Variants in OTUD7A observed in about 807,000 individuals in gnomAD.
The protein encoded by OTUD7A is OTU domain-containing protein 7A.
OTUD7A carries 12 observed loss-of-function variants against 65.7 expected under a neutral mutation model. The ratio of observed to expected loss-of-function variants is 0.18; its 90% CI spans 0.12 to 0.30. The LOEUF is 0.30. OTUD7A is among the 10% of genes least tolerant of loss of function. The probability of loss-of-function intolerance (pLI) is 1.00; values close to 1 mark genes in which losing one functional copy is unlikely to be tolerated. For synonymous variants in OTUD7A, 641 were observed against 586.3 expected (o/e 1.09, Z -1.35); for missense variants, 1,148 against 1,304.8 (o/e 0.88, Z 1.85).
At chr15:31,614,648 C>T (rs1310712943) in intron 3 of OTUD7A, among the ~76,000 whole-genome samples, 1 of 152,004 alleles carries the variant, frequency 6.6e-6, no homozygotes, top group Non-Finnish European at 1.5e-5. Context: ...AAATTTCAGA[C>T]ACTTATCACC....
At chr15:31,704,497 G>GT (rs1313247839) in intron 1 of OTUD7A, among the ~76,000 whole-genome samples, 10 of 134,080 alleles carry the variant, frequency 7.5e-5, no homozygotes, top group Non-Finnish European at 6.4e-5. Flanking sequence ...TTTGAGTTAC[G>GT]TAAGTTCTGA....
chr15:31,618,635 T>C lies in OTUD7A; in HGVS notation c.151+36461A>G, dbSNP rs1267003999. 2.0e-5 allele frequency among the ~76,000 whole-genome samples: 3 copies of C among 152,326 alleles called. No individual in the cohort carries two copies. In the East Asian group the frequency reaches 5.8e-4, roughly 29 times the overall value. On this transcript the variant is annotated intron_variant, in intron 3 of 12. Transcript: ENST00000307050. The stretch of plus-strand genomic sequence containing the variant: ...ACTTGTTGATGGGGTTGTTTTTTTC[T>C]TTTAAATTTGTTCGAGTTCTTTGTA...
chr15:31,501,655 G>C lies in OTUD7A; in HGVS notation c.1171+35C>G. ...TCTGATGGCTCTGCCCCCACCCTAG[G>C]CTCCTGCGTGCACTCTCTTGGGAGA... On this transcript the variant is annotated intron_variant, in intron 10 of 12. Coordinates refer to ENST00000307050, the MANE Select transcript of OTUD7A (RefSeq NM_001382637.1). The C allele has an allele frequency of 1.2e-6, 2 of 1,613,656 alleles. 1 individual carries two copies. The highest frequency in any genetic ancestry group is 3.3e-4 in the Middle Eastern group (2 of 6,034).
At chr15:31,517,824 A>C (rs1222889204) in intron 8 of OTUD7A, among the ~76,000 whole-genome samples, 1 of 152,098 alleles carries the variant, frequency 6.6e-6, no homozygotes, top group Admixed American at 6.5e-5. Context: ...GCCCCAGGGA[A>C]CAGTTTGGGG....
intron 5 of OTUD7A, among the ~76,000 whole-genome samples, chr15:31,553,546 C>T (rs184626238): frequency 2.0e-5 from 3 of 152,232 alleles, no homozygotes; most frequent in South Asian, 4.1e-4. Context: ...ACTACAGTCT[C>T]GGGCTTTGCC....
At chr15:31,642,587 AT>A (rs57061290) in intron 3 of OTUD7A, among the ~76,000 whole-genome samples, 25,228 of 148,176 alleles carry the variant, frequency 0.17, 2,209 homozygotes, top group Middle Eastern at 0.21. Flanking sequence ...TATTCAAATC[AT>A]TTTTTTTTTT....
chr15:31,526,780 G>T (rs1566904080), intron 7 of OTUD7A, among the ~76,000 whole-genome samples: 1 of 152,182 alleles, frequency 6.6e-6, no homozygotes, highest in East Asian at 1.9e-4. Flanking sequence ...AGGAGAGCAA[G>T]GTCCTCATGT....
At chr15:31,805,232 G>A (rs1362158159) in intron 1 of OTUD7A, among the ~76,000 whole-genome samples, 2 of 152,248 alleles carry the variant, frequency 1.3e-5, no homozygotes, top group Non-Finnish European at 2.9e-5. Flanking sequence ...GCTGAGGGAG[G>A]AGTAGTGAGC....
chr15:31,633,937 T>C (rs1231851640), intron 3 of OTUD7A, among the ~76,000 whole-genome samples: 18 of 152,228 alleles, frequency 1.2e-4, no homozygotes, highest in Admixed American at 1.2e-3. Flanking sequence ...TCATAGGTTT[T>C]GTTGAGTGGC....
chr15:31,800,428 C>A (rs1301073162), intron 1 of OTUD7A, among the ~76,000 whole-genome samples: 1 of 152,220 alleles, frequency 6.6e-6, no homozygotes, highest in Non-Finnish European at 1.5e-5. Flanking sequence ...ACTCTGCCAG[C>A]AGCCAATCGA....
intron 5 of OTUD7A, among the ~76,000 whole-genome samples, chr15:31,532,321 A>G (rs1329825082): frequency 6.6e-6 from 1 of 152,218 alleles, no homozygotes; most frequent in Non-Finnish European, 1.5e-5. Flanking sequence ...AGAAATAGAA[A>G]GTCTTACCAA....
chr15:31,584,078 A>G (rs1889454298), intron 3 of OTUD7A, among the ~76,000 whole-genome samples: 1 of 152,242 alleles, frequency 6.6e-6, no homozygotes, highest in Non-Finnish European at 1.5e-5. Flanking sequence ...AAGAAAGAGC[A>G]CAAAGACAGC....
At position 31,613,406 on chromosome 15, in the gene OTUD7A, G is replaced by A. The variant is rs114850614; in HGVS notation, c.151+41690C>T. Among the ~76,000 whole-genome samples the A allele has an allele frequency of 8.9e-3, 1,354 of 152,164 alleles. 27 individuals carry two copies. Among genetic ancestry groups the A allele is most frequent in the African/African-American group, 0.031 (1,300 of 41,500 alleles). ...TTCACAATCTATACATTTGAGAAAG[G>A]ACTAATATCCAGAATCTAGAACCCA... is the stretch of plus-strand genomic sequence containing the variant. On this transcript the variant is annotated intron_variant, in intron 3 of 12. Transcript: ENST00000307050.
chr15:31,494,299 G>T (rs2041355008), intron 10 of OTUD7A, among the ~76,000 whole-genome samples: 1 of 152,164 alleles, frequency 6.6e-6, no homozygotes, highest in African/African-American at 2.4e-5. Flanking sequence ...ATAACAACAG[G>T]CACGAGAGCG....
intron 1 of OTUD7A, among the ~76,000 whole-genome samples, chr15:31,744,899 T>C (rs1894436525): frequency 6.6e-6 from 1 of 152,052 alleles, no homozygotes. Flanking sequence ...GGAAAATGAT[T>C]ATATACTAGT....
At chr15:31,709,934 CT>C (rs1893399412) in intron 1 of OTUD7A, among the ~76,000 whole-genome samples, 1 of 150,208 alleles carries the variant, frequency 6.7e-6, no homozygotes, top group African/African-American at 2.4e-5. Flanking sequence ...GGTCTAAGTC[CT>C]TTTGTTAAGA....
At chr15:31,687,204 C>G (rs1173398910) in intron 1 of OTUD7A, among the ~76,000 whole-genome samples, 1 of 151,680 alleles carries the variant, frequency 6.6e-6, no homozygotes, top group Non-Finnish European at 1.5e-5. Context: ...TCAGGCCTAG[C>G]GAGGGGAGGC....
At chr15:31,660,043 A>G (rs1295555740) in intron 1 of OTUD7A, among the ~76,000 whole-genome samples, 1 of 152,288 alleles carries the variant, frequency 6.6e-6, no homozygotes, top group Non-Finnish European at 1.5e-5. Context: ...CTGAAAGAAC[A>G]TGCACTATTA....
In OTUD7A at chr15:31,481,149, C is replaced by T. The variant is rs538370062; in HGVS notation, c.*2145G>A. On this transcript the variant is annotated 3_prime_UTR_variant, in exon 13 of 13. Transcript: ENST00000307050. The stretch of plus-strand genomic sequence containing the variant: ...TTAGCATAGCCAGTTTTAGAAATTT[C>T]TGGTTGGCTGTTTTTACATTAAGAA... 1.2e-3 allele frequency: 183 copies of T among 152,152 alleles called. 3 individuals carry two copies. Among genetic ancestry groups the T allele is most frequent in the African/African-American group, 4.2e-3 (174 of 41,484 alleles). 9.4% of individuals were successfully genotyped at this position (152,152 alleles called of 1,614,324 possible). A position where few individuals can be genotyped will look rare whatever the true frequency, so the allele number is the denominator to read the frequency against.
Sources: allele counts gnomAD v4.1 joint callset (sites outside exome capture counted in the v4.1 genomes callset), GRCh38; gene constraint gnomAD v4.1.1; transcripts MANE v1.5; gene names NCBI Gene and HGNC (gene_info 2026-07-23, HGNC 2026-07-21).